RANBP3: variants seen among roughly 807,000 people sequenced by gnomAD.
RANBP3 encodes the protein ran-binding protein 3.
A neutral mutation model predicts 77.3 loss-of-function variants in RANBP3; 14 were observed. That is an observed-to-expected ratio of 0.18 (90% CI 0.12 to 0.28). The LOEUF (loss-of-function observed/expected upper bound fraction) is 0.28. RANBP3 is among the 10% of genes least tolerant of loss of function. RANBP3 has a pLI of 1.00. For missense variants in RANBP3, 586 were observed against 752.3 expected, an observed-to-expected ratio of 0.78 and a Z score of 2.59; for synonymous variants, 315 against 312.4, an observed-to-expected ratio of 1.01 and a Z score of -0.09.
intron 3 of RANBP3, among the ~76,000 whole-genome samples, chr19:5,942,202 AC>A (rs1278497826): frequency 6.6e-6 from 1 of 151,750 alleles, no homozygotes; most frequent in African/African-American, 2.4e-5. Context: ...GACCCTCTCC[AC>A]CCTTGAGGGC....
rs978343329 is a variant in RANBP3, at chr19:5,959,648, C to T, written c.23-1675G>A. ...CAGCACACAGGTGCTGCTTGACAAA[C>T]GTGAATGAATGCACCTATGCCAGGC... On this transcript the variant is annotated intron_variant, in intron 1 of 16. Transcript: ENST00000340578. The surrounding 1 kb of genome is among the most constrained non-coding windows in gnomAD (Gnocchi z 5.1). Among the ~76,000 whole-genome samples the T allele has an allele frequency of 7.2e-5, 11 of 152,146 alleles. No individual in the cohort carries two copies. The highest frequency in any genetic ancestry group is 1.9e-4 in the African/African-American group (8 of 41,416).
At chr19:5,927,847 G>T in intron 9 of RANBP3, 121 bp downstream of exon 9, 1 of 1,334,204 alleles carries the variant, frequency 7.5e-7, no homozygotes, top group South Asian at 1.5e-5. Flanking sequence ...GGGCTGCCTC[G>T]CTAACACCTT....
chr19:5,948,465 A>G (rs2058235765), intron 3 of RANBP3, among the ~76,000 whole-genome samples: 1 of 152,072 alleles, frequency 6.6e-6, no homozygotes, highest in African/African-American at 2.4e-5. Context: ...AAAAAAAAAA[A>G]AAAGATAAAT....
chr19:5,968,897 G>A (rs1434713760), intron 1 of RANBP3, among the ~76,000 whole-genome samples: 1 of 152,248 alleles, frequency 6.6e-6, no homozygotes, highest in Non-Finnish European at 1.5e-5. Context: ...TACCTGCTGT[G>A]TGCAGAGATA....
At chr19:5,939,863 C>G (rs910490215) in intron 5 of RANBP3, among the ~76,000 whole-genome samples, 1 of 152,260 alleles carries the variant, frequency 6.6e-6, no homozygotes, top group African/African-American at 2.4e-5. Context: ...TGTCCCTGCA[C>G]CTCTGCAGGG....
chr19:5,947,580 A>G (rs1024732050), intron 3 of RANBP3, among the ~76,000 whole-genome samples: 6 of 152,228 alleles, frequency 3.9e-5, no homozygotes, highest in African/African-American at 1.2e-4. Flanking sequence ...AGGAAGCAGA[A>G]GAGAAAGAAG....
chr19:5,970,718 G>A (rs1416093983), intron 1 of RANBP3, among the ~76,000 whole-genome samples: 1 of 152,212 alleles, frequency 6.6e-6, no homozygotes, highest in Non-Finnish European at 1.5e-5. Flanking sequence ...CCAATTAGGA[G>A]AATCACAGCT....
rs1483526778 is a variant in RANBP3, at chr19:5,917,957, C to T, written c.1497G>A (p.Gln499=). Residue 499 remains glutamine, a synonymous_variant, in exon 16 of 17, where the codon CAG becomes CAA. Transcript: ENST00000340578. ...LISASSKDTG[Q]LYAALHHRIL... ...TGCGGTGGTGCAGGGCTGCATACAA[C>T]TGACCTGTGTCCTTGGAGCTGGCCT... 2 of 1,602,772 alleles carry T rather than the reference C, an allele frequency of 1.2e-6. No individual in the cohort carries two copies. The highest frequency in any genetic ancestry group is 2.2e-5 in the East Asian group (1 of 44,626).
chr19:5,918,399 C>T lies in RANBP3; in HGVS notation c.1473+97G>A. 4 of 380,908 alleles carry T rather than the reference C, an allele frequency of 1.1e-5. No individual in the cohort carries two copies. In the South Asian group the frequency reaches 1.1e-4, roughly 11 times the overall value. 23.6% of individuals were successfully genotyped at this position (380,908 alleles called of 1,614,324 possible). A position where few individuals can be genotyped will look rare whatever the true frequency, so the allele number is the denominator to read the frequency against. ...AGGAAGCAACTGAAGCCCCTCCCCC[C>T]TCCCCTCCCCACCGTCCTGCCTGAT... On this transcript the variant is annotated intron_variant, in intron 15 of 16. Transcript: ENST00000340578.
intron 3 of RANBP3, among the ~76,000 whole-genome samples, chr19:5,944,419 C>T (rs1400113578): frequency 2.0e-5 from 3 of 152,222 alleles, no homozygotes; most frequent in Non-Finnish European, 4.4e-5. Flanking sequence ...ATCGCTTGCC[C>T]TCATACTTAG....
chr19:5,935,111 C>T (rs906180949), intron 5 of RANBP3, among the ~76,000 whole-genome samples: 1 of 152,176 alleles, frequency 6.6e-6, no homozygotes, highest in Non-Finnish European at 1.5e-5. Flanking sequence ...AAAACGATGA[C>T]AACAAAACCC....
rs756672666 is a variant in RANBP3 at position 5,958,218 on chromosome 19, G to A, written c.23-245C>T. Among the ~76,000 whole-genome samples, 5 of 152,182 alleles carry A rather than the reference G, an allele frequency of 3.3e-5. No individual in the cohort carries two copies. The highest frequency in any genetic ancestry group is 7.3e-5 in the Non-Finnish European group (5 of 68,030). On this transcript the variant is annotated intron_variant, in intron 1 of 16. Transcript: ENST00000340578. This position sits in a 1 kb window ranked among gnomAD's most constrained non-coding sequence, Gnocchi z 4.4. ...TGTATGCATTTATCATCAATAAGGA[G>A]TTTTCAAGACTCACTGAGAGCGGGC...
Position 5,921,483 on chromosome 19 carries a change from G to A in RANBP3, c.1210-162C>T, listed in dbSNP as rs530890790. Among the ~76,000 whole-genome samples, 58 of 152,218 alleles carry A rather than the reference G, an allele frequency of 3.8e-4. 1 individual carries two copies. The highest frequency in any genetic ancestry group is 7.3e-4 in the Non-Finnish European group (50 of 68,046). On this transcript the variant is annotated intron_variant, in intron 13 of 16. Coordinates refer to ENST00000340578, the MANE Select transcript of RANBP3 (RefSeq NM_007322.3). The surrounding 1 kb of genome is among the most constrained non-coding windows in gnomAD (Gnocchi z 5.3). Reference sequence around the variant, plus strand: ...TTTGTCCTGCCCTCAAGCTAGAACAGGCTTTACATTGTATAAGGGGTATCT... The same window carrying A: ...TTTGTCCTGCCCTCAAGCTAGAACAAGCTTTACATTGTATAAGGGGTATCT...
rs2057816528 is a variant in RANBP3 at position 5,921,310 on chromosome 19, C to A, written c.1221G>T (p.Lys407Asn). The change falls in exon 14 of 17, where the codon AAG becomes AAT. Residue 407 changes from lysine to asparagine, a missense_variant. Transcript: ENST00000340578. This position sits in a 1 kb window ranked among gnomAD's most constrained non-coding sequence, Gnocchi z 5.3. ...AESNVLQMQC[K>N]LFVFDKTSQS... is the part of the protein sequence containing the mutation. ...GTGAGGTCTTGTCAAAGACAAACAG[C>A]TTGCACTGCATCTGGAACACAGTGG... 1 of 1,613,480 alleles carries A rather than the reference C, an allele frequency of 6.2e-7. No individual in the cohort carries two copies. Among genetic ancestry groups the A allele is most frequent in the Non-Finnish European group, 8.5e-7 (1 of 1,179,836 alleles).
In RANBP3 at chr19:5,916,387, T is replaced by C. The variant is rs886837392; in HGVS notation, c.*1223A>G. 3.9e-5 allele frequency: 6 copies of C among 152,102 alleles called. No homozygotes were observed. Among genetic ancestry groups the C allele is most frequent in the African/African-American group, 1.2e-4 (5 of 41,396 alleles). 9.4% of individuals were successfully genotyped at this position (152,102 alleles called of 1,614,324 possible). On this transcript the variant is annotated 3_prime_UTR_variant, in exon 17 of 17. Coordinates refer to ENST00000340578, the MANE Select transcript of RANBP3 (RefSeq NM_007322.3). ...GGCACAGCTGCAGGAGGCCTTCTCT[T>C]AACCCTCCGAGAGTGGGACTGGGAG...
chr19:5,950,598 A>G (rs1197717453), intron 3 of RANBP3: 2 of 152,216 alleles, frequency 1.3e-5, no homozygotes, highest in Non-Finnish European at 2.9e-5. Context: ...CAGGCGGTAG[A>G]GCTGGGTCCC....
chr19:5,951,497 C>T lies in RANBP3; in HGVS notation c.178G>A (p.Glu60Lys), dbSNP rs754068129. ...GGGGCAGGAGGTTCTAGGGCATGCT[C>T]GCCAGCTGACTCGGGGTGACCCGTG... is the stretch of plus-strand genomic sequence containing the variant. The part of the protein sequence containing the change: ...HGTGHPESAG[E>K]HALEPPAPAG... Residue 60 changes from glutamate (E) to lysine (K), a missense_variant, in exon 3 of 17, where the codon GAG (glutamate) becomes AAG (lysine). Coordinates refer to ENST00000340578, the MANE Select transcript of RANBP3 (RefSeq NM_007322.3). 2.9e-5 allele frequency: 47 copies of T among 1,610,818 alleles called. 1 individual carries two copies. Among genetic ancestry groups the T allele is most frequent in the Admixed American group, 1.5e-4 (9 of 59,756 alleles).
intron 3 of RANBP3, among the ~76,000 whole-genome samples, chr19:5,949,265 G>A (rs1323854825): frequency 1.3e-5 from 2 of 152,230 alleles, no homozygotes; most frequent in Non-Finnish European, 2.9e-5. Flanking sequence ...ACACGAAAAA[G>A]GCTCAGGCCA....
intron 5 of RANBP3, among the ~76,000 whole-genome samples, chr19:5,940,686 A>G (rs913604198): frequency 9.2e-5 from 14 of 152,250 alleles, no homozygotes; most frequent in African/African-American, 3.1e-4. Context: ...AATGATTTAC[A>G]TGAACTTTCC....
Sources: allele counts gnomAD v4.1 joint callset (sites outside exome capture counted in the v4.1 genomes callset), GRCh38; gene constraint gnomAD v4.1.1; non-coding constraint Gnocchi (gnomAD v3.1); transcripts MANE v1.5; gene names NCBI Gene and HGNC (gene_info 2026-07-23, HGNC 2026-07-21).